SH3TC1: variants seen among roughly 807,000 people sequenced by gnomAD.
SH3TC1 encodes the protein SH3 domain and tetratricopeptide repeat-containing protein 1.
Under a neutral mutation model 117.3 loss-of-function variants are expected in SH3TC1, and 135 were observed. The observed-to-expected ratio is 1.15, with a 90% CI of 1.00 to 1.33. The LOEUF is 1.33. Among genes scored for constraint, SH3TC1 ranks in the 40% most tolerant of loss-of-function variants. The pLI, the probability that SH3TC1 is intolerant of heterozygous loss-of-function variation, is 0.00. For missense variants in SH3TC1, 2,092 were observed against 1,794.3 expected (o/e 1.17, Z -3.00); for synonymous variants, 898 against 816.9 (o/e 1.10, Z -1.69).
upstream of SH3TC1, among the ~76,000 whole-genome samples, chr4:8,198,681 G>C (rs1286987140): frequency 4.6e-5 from 7 of 152,232 alleles, no homozygotes; most frequent in Admixed American, 2.0e-4. Context: ...CGTTGGGACA[G>C]GCCAGGCTAG....
Position 8,216,094 on chromosome 4 carries a change from G to A in SH3TC1, c.482-17G>A, listed in dbSNP as rs768672356. ...CCTCTTCTGGAGCCCTCGGGTGACT[G>A]GGCCTGGCCTCCACAGGCTTCACTC... On this transcript the variant is annotated splice_polypyrimidine_tract_variant and intron_variant, in intron 5 of 17. Transcript: ENST00000245105. 6.3e-5 allele frequency: 101 copies of A among 1,611,602 alleles called. No individual in the cohort carries two copies. Among genetic ancestry groups the A allele is most frequent in the African/African-American group, 9.4e-5 (7 of 74,864 alleles).
At chr4:8,219,311 T>C (rs758540043) in intron 8 of SH3TC1, 24 bp from the exon 9 acceptor site, 104 of 1,558,496 alleles carry the variant, frequency 6.7e-5, no homozygotes, top group Non-Finnish European at 8.7e-5. Flanking sequence ...TCCCTGGCAC[T>C]CACCATGTGG....
upstream of SH3TC1, among the ~76,000 whole-genome samples, chr4:8,197,754 C>T (rs1717607920): frequency 6.6e-6 from 1 of 152,162 alleles, no homozygotes; most frequent in Non-Finnish European, 1.5e-5. Context: ...TCTGCAGCTG[C>T]ACCCCCGATC....
Position 8,228,062 on chromosome 4 carries a change from A to G in SH3TC1, c.2368A>G (p.Thr790Ala), listed in dbSNP as rs1227501885. ...CCAGGCGCTGCGCGGCCCCCTCTAC[A>G]CCAGCTTGGCCCAGCTGTACAGCCA... Reference protein sequence around the residue: ...TGQALRGPLYTSLAQLYSHHG... With the variant: ...TGQALRGPLYASLAQLYSHHG... The change falls in exon 12 of 18, where the codon ACC becomes GCC. Residue 790 changes from threonine to alanine, a missense_variant. Transcript: ENST00000245105. 6.2e-7 allele frequency: 1 copy of G among 1,605,440 alleles called. No individual in the cohort carries two copies. The highest frequency in any genetic ancestry group is 1.3e-5 in the African/African-American group (1 of 74,908).
At position 8,186,206 on chromosome 4, in the gene SH3TC1, C is replaced by A. The variant is rs375787879; in HGVS notation, c.-57+3996C>A. Among the ~76,000 whole-genome samples, 59 of 152,326 alleles carry A rather than the reference C, an allele frequency of 3.9e-4. No individual in the cohort carries two copies. In the South Asian group the frequency reaches 0.01, roughly 26 times the overall value. On this transcript the variant is annotated intron_variant, in intron 1 of 16. Transcript: ENST00000508641. The surrounding 1 kb of genome is among the most constrained non-coding windows in gnomAD (Gnocchi z 5.2). ...GGCCAGCCTGACTCCGAACCAAGAC[C>A]AGCAGCAAAATTTGCTTGTTGCACA...
rs137947492 is a variant in SH3TC1, at chr4:8,240,789, G to T, written c.3845G>T (p.Arg1282Leu). 8 of 1,614,110 alleles carry T rather than the reference G, an allele frequency of 5.0e-6. No individual in the cohort carries two copies. Among genetic ancestry groups the T allele is most frequent in the South Asian group, 1.1e-5 (1 of 91,090 alleles). ...NKKAQLKIYT[R>L]LATIYHNFLL... ...AAGGCACAGCTGAAGATCTACACGC[G>T]GCTGGCCACCATCTACCACAACTTC... The change falls in exon 18 of 18, where the codon CGG (arginine) becomes CTG (leucine). Residue 1282 changes from arginine to leucine, a missense_variant. Transcript: ENST00000245105.
intron 7 of SH3TC1, 32 bp from the exon 8 acceptor site, chr4:8,218,239 C>T: frequency 6.3e-7 from 1 of 1,579,156 alleles, no homozygotes; most frequent in South Asian, 1.1e-5. Context: ...ATCTGAAATC[C>T]CGCAGCAAAG....
At position 8,183,152 on chromosome 4, in the gene SH3TC1, G is replaced by A. The variant is rs546459496; in HGVS notation, c.-57+942G>A. On this transcript the variant is annotated intron_variant, in intron 1 of 16. Transcript: ENST00000508641. This position sits in a 1 kb window ranked among gnomAD's most constrained non-coding sequence, Gnocchi z 5.4. ...CCTGGCGACCTTGCCTCCCTCTCCC[G>A]CTGGGGCTATAGAATGGTCTGGAGC... 2.0e-4 allele frequency among the ~76,000 whole-genome samples: 30 copies of A among 152,252 alleles called. No individual in the cohort carries two copies. The highest frequency in any genetic ancestry group is 9.8e-4 in the Admixed American group (15 of 15,296).
chr4:8,218,131 TGTGTGCAC>T, intron 7 of SH3TC1, 132 bp from the exon 8 acceptor site: 1 of 568,426 alleles, frequency 1.8e-6, no homozygotes. Context: ...TGTGTGTGTG[TGTGTGCAC>T]GTGTGTGTGT....
At chr4:8,194,356 A>G (rs1477172808), upstream of SH3TC1, among the ~76,000 whole-genome samples, 2 of 152,158 alleles carry the variant, frequency 1.3e-5, no homozygotes, top group African/African-American at 4.8e-5. Context: ...CTGAAGGCGC[A>G]CTCGCGTTTC....
chr4:8,187,180 T>G (rs1341043396), intron 1 of SH3TC1, among the ~76,000 whole-genome samples: 1 of 152,214 alleles, frequency 6.6e-6, no homozygotes, highest in Non-Finnish European at 1.5e-5. Flanking sequence ...TGGATTTGTC[T>G]GACGTGTTTC....
Position 8,216,222 on chromosome 4 carries a change from T to C in SH3TC1, c.593T>C (p.Leu198Ser). 1 of 1,613,752 alleles carries C rather than the reference T, an allele frequency of 6.2e-7. No individual in the cohort carries two copies. The highest frequency in any genetic ancestry group is 8.5e-7 in the Non-Finnish European group (1 of 1,179,996). Residue 198 changes from leucine (L) to serine (S), a missense_variant, in exon 6 of 18, where the codon TTA becomes TCA. By Grantham distance (145) the Leu-to-Ser change is moderately radical. Coordinates refer to ENST00000245105, the MANE Select transcript of SH3TC1 (RefSeq NM_018986.5). The stretch of plus-strand genomic sequence containing the variant: ...CAAGTCCATGTGGATGAGAACGCCT[T>C]AAGGCTGACCCACGAGAGCCTCCTC... The part of the protein sequence containing the change: ...AIQVHVDENA[L>S]RLTHESLLIQ...
intron 12 of SH3TC1, 138 bp downstream of exon 12, chr4:8,228,782 A>G: frequency 1.4e-6 from 1 of 736,874 alleles, no homozygotes; most frequent in African/African-American, 1.8e-5. Flanking sequence ...GATGTTGGCA[A>G]GCGCCCTGGA....
rs780255874 is a variant in SH3TC1, at chr4:8,227,552, T to G, written c.1858T>G (p.Cys620Gly). ...IYRKQKNREK[C>G]AQVVPKAMAL... Reference sequence around the variant, plus strand: ...CCGGAAGCAGAAGAACCGGGAGAAGTGTGCACAGGTGGTGCCCAAAGCCAT... The same window carrying G: ...CCGGAAGCAGAAGAACCGGGAGAAGGGTGCACAGGTGGTGCCCAAAGCCAT... The change falls in exon 12 of 18, where the codon TGT becomes GGT. Residue 620 changes from cysteine to glycine, a missense_variant. Transcript: ENST00000245105. 2.0e-6 allele frequency: 3 copies of G among 1,524,284 alleles called. No homozygotes were observed. Among genetic ancestry groups the G allele is most frequent in the South Asian group, 2.6e-5 (2 of 75,798 alleles). 94.4% of individuals were successfully genotyped at this position (1,524,284 alleles called of 1,614,324 possible).
Position 8,219,540 on chromosome 4 carries a change from T to C in SH3TC1, c.1112+10T>C. The stretch of plus-strand genomic sequence containing the variant: ...AGGGCCCCGTGTCCGAGTGAGTGGC[T>C]GGAGCCCCGCCCCTTTCCTGAACCC... On this transcript the variant is annotated intron_variant, in intron 9 of 17. Coordinates refer to ENST00000245105, the MANE Select transcript of SH3TC1 (RefSeq NM_018986.5). The C allele has an allele frequency of 6.5e-7, 1 of 1,527,768 alleles. No individual in the cohort carries two copies. Among genetic ancestry groups the C allele is most frequent in the East Asian group, 2.4e-5 (1 of 42,012 alleles). 94.6% of individuals were successfully genotyped at this position (1,527,768 alleles called of 1,614,324 possible).
rs150732270 is a variant in SH3TC1 at position 8,216,991 on chromosome 4, G to T, written c.663G>T (p.Val221=). ...PFFVLCPDHH[V]RVMTGPRDAG... ...TTGTCCTGTGTCCTGACCACCATGTGAGAGTGATGACGGGTCCCCGGGATG... is the reference window on the plus strand; with the variant it reads ...TTGTCCTGTGTCCTGACCACCATGTTAGAGTGATGACGGGTCCCCGGGATG... Residue 221 remains valine (V), a synonymous_variant, in exon 7 of 18, where the codon GTG becomes GTT. Coordinates refer to ENST00000245105, the MANE Select transcript of SH3TC1 (RefSeq NM_018986.5). 8 of 1,613,908 alleles carry T rather than the reference G, an allele frequency of 5.0e-6. No homozygotes were observed. In the African/African-American group the frequency reaches 9.3e-5, roughly 19 times the overall value.
intron 1 of SH3TC1, among the ~76,000 whole-genome samples, chr4:8,184,292 A>G (rs1423570064): frequency 6.6e-6 from 1 of 152,250 alleles, no homozygotes; most frequent in Non-Finnish European, 1.5e-5. Flanking sequence ...GGCTTTCACC[A>G]TTAGCCATCC....
intron 12 of SH3TC1, among the ~76,000 whole-genome samples, chr4:8,230,789 T>TG (rs1346217684): frequency 6.6e-6 from 1 of 150,758 alleles, no homozygotes; most frequent in Non-Finnish European, 1.5e-5. Flanking sequence ...TGTGCTTTTT[T>TG]TTTTTTTTTT....
chr4:8,192,214 G>A lies in SH3TC1; in HGVS notation c.-57+10004G>A, dbSNP rs1717438890. 6.6e-6 allele frequency among the ~76,000 whole-genome samples: 1 copy of A among 151,550 alleles called. No homozygotes were observed. Among genetic ancestry groups the A allele is most frequent in the African/African-American group, 2.4e-5 (1 of 41,222 alleles). ...TCACCATGTGGGCCAGGCTGGTCCC[G>A]AACTCCTGACCTCAAGTGATCTGCA... is the stretch of plus-strand genomic sequence containing the variant. On this transcript the variant is annotated intron_variant, in intron 1 of 16. Coordinates refer to the SH3TC1 transcript ENST00000508641. The surrounding 1 kb of genome is among the most constrained non-coding windows in gnomAD (Gnocchi z 4.1).
Sources: gnomAD v4.1 joint callset for allele counts (sites outside exome capture counted in the v4.1 genomes callset) on GRCh38, gnomAD v4.1.1 for gene constraint, Gnocchi (gnomAD v3.1) non-coding constraint, MANE v1.5 for transcripts, NCBI Gene and HGNC (gene_info 2026-07-23, HGNC 2026-07-21) for gene names.